Variants in AFF3 observed in about 807,000 individuals in gnomAD.
AFF3 encodes AF4/FMR2 family member 3.
A neutral mutation model predicts 129.7 loss-of-function variants in AFF3; 32 were observed. That is an observed-to-expected ratio of 0.25 (90% confidence interval 0.19 to 0.33). AFF3 has a LOEUF of 0.33. Among genes scored for constraint, AFF3 ranks in the 10% least tolerant of loss-of-function variants. The pLI is 1.00. For synonymous variants in AFF3, 644 were observed against 635.4 expected, an observed-to-expected ratio of 1.01 and a Z score of -0.20; for missense variants, 1,373 against 1,592.0, an observed-to-expected ratio of 0.86 and a Z score of 2.34.
At chr2:99,729,060 G>A (rs1468440389) in intron 10 of AFF3, among the ~76,000 whole-genome samples, 1 of 151,988 alleles carries the variant, frequency 6.6e-6, no homozygotes, top group Non-Finnish European at 1.5e-5. Flanking sequence ...TCAAATATAT[G>A]GATCCTTTCC....
At chr2:99,694,128 TC>T (rs1428090467) in intron 11 of AFF3, among the ~76,000 whole-genome samples, 1 of 151,796 alleles carries the variant, frequency 6.6e-6, no homozygotes, top group African/African-American at 2.4e-5. Flanking sequence ...GAACTCTTGC[TC>T]TCAGGTGATC....
At chr2:99,800,255 G>A (rs187888686) in intron 8 of AFF3, among the ~76,000 whole-genome samples, 3 of 152,196 alleles carry the variant, frequency 2.0e-5, no homozygotes, top group Admixed American at 1.3e-4. Flanking sequence ...AGTAAAAAAG[G>A]CCAAAGTTTT....
chr2:99,736,106 A>G (rs923862283), intron 10 of AFF3, among the ~76,000 whole-genome samples: 2 of 152,072 alleles, frequency 1.3e-5, no homozygotes, highest in African/African-American at 4.8e-5. Context: ...AATAATGCAT[A>G]TTCTGCAGCT....
chr2:99,733,378 C>CAA (rs60106625), intron 10 of AFF3, among the ~76,000 whole-genome samples: 185 of 134,392 alleles, frequency 1.4e-3, no homozygotes, highest in South Asian at 2.8e-3. Context: ...AGACTCCGTC[C>CAA]AAAAAAAAAA....
chr2:100,059,455 C>T (rs571751312), intron 4 of AFF3, among the ~76,000 whole-genome samples: 141 of 152,160 alleles, frequency 9.3e-4, no homozygotes, highest in Non-Finnish European at 1.5e-3. Flanking sequence ...ATTAAAAAGT[C>T]TTAGTGAGGC....
intron 18 of AFF3, among the ~76,000 whole-genome samples, chr2:99,571,393 A>C (rs1676465432): frequency 6.6e-6 from 1 of 152,086 alleles, no homozygotes. Context: ...CTTAGTTTCC[A>C]CCAGCCTTCT....
At chr2:99,724,445 G>A (rs1384470444) in intron 11 of AFF3, among the ~76,000 whole-genome samples, 1 of 151,444 alleles carries the variant, frequency 6.6e-6, no homozygotes, top group Admixed American at 6.6e-5. Context: ...GCTAATTTTT[G>A]TGTTTTTAGT....
chr2:100,043,997 C>T (rs923897644), intron 4 of AFF3, among the ~76,000 whole-genome samples: 2 of 152,188 alleles, frequency 1.3e-5, no homozygotes, highest in African/African-American at 4.8e-5. Flanking sequence ...GTGTTCTGGG[C>T]TTTTGTAATT....
intron 7 of AFF3, among the ~76,000 whole-genome samples, chr2:99,995,555 G>A (rs1680764941): frequency 6.6e-6 from 1 of 152,050 alleles, no homozygotes; most frequent in Admixed American, 6.6e-5. Flanking sequence ...TGTACTTTTA[G>A]TAGAGATGGG....
intron 18 of AFF3, among the ~76,000 whole-genome samples, chr2:99,576,674 C>T (rs949565770): frequency 6.6e-6 from 1 of 152,170 alleles, no homozygotes; most frequent in African/African-American, 2.4e-5. Flanking sequence ...ATACCATGCT[C>T]TCAAAACCAC....
At chr2:100,094,939 G>A (rs1166832220) in intron 4 of AFF3, among the ~76,000 whole-genome samples, 1 of 130,634 alleles carries the variant, frequency 7.7e-6, no homozygotes, top group East Asian at 2.0e-4. Flanking sequence ...TGGGCCATGT[G>A]GGCAACCTAT....
intron 16 of AFF3, among the ~76,000 whole-genome samples, chr2:99,583,219 T>A (rs748330289): frequency 4.6e-5 from 7 of 152,180 alleles, no homozygotes; most frequent in Non-Finnish European, 8.8e-5. Context: ...TGAGTAGTAA[T>A]TCTGGAGCCA....
chr2:99,844,531 G>A (rs1020079792), intron 7 of AFF3, among the ~76,000 whole-genome samples: 6 of 130,322 alleles, frequency 4.6e-5, no homozygotes, highest in African/African-American at 8.7e-5. Context: ...TCTGCCTCCC[G>A]GGTTCAAGTG....
intron 8 of AFF3, among the ~76,000 whole-genome samples, chr2:99,823,107 G>C (rs1687812606): frequency 6.6e-6 from 1 of 152,146 alleles, no homozygotes; most frequent in Non-Finnish European, 1.5e-5. Flanking sequence ...TGAAAGCCCA[G>C]GCTTTGACTC....
chr2:99,615,271 G>T (rs576710384), intron 13 of AFF3, among the ~76,000 whole-genome samples: 4 of 152,210 alleles, frequency 2.6e-5, no homozygotes, highest in African/African-American at 2.4e-5. Context: ...GCTGTAAAAG[G>T]CTTCTCTGAA....
intron 4 of AFF3, among the ~76,000 whole-genome samples, chr2:100,026,186 CAAACA>C (rs1684025726): frequency 6.6e-6 from 1 of 152,002 alleles, no homozygotes; most frequent in Non-Finnish European, 1.5e-5. Flanking sequence ...CTACAACAAA[CAAACA>C]AATCAGTGAG....
chr2:99,690,335 C>T (rs1327861367), intron 11 of AFF3, among the ~76,000 whole-genome samples: 7 of 151,270 alleles, frequency 4.6e-5, no homozygotes, highest in East Asian at 2.0e-4. Flanking sequence ...CACCCGCCAC[C>T]ACGCCCGGCT....
intron 11 of AFF3, among the ~76,000 whole-genome samples, chr2:99,719,050 C>CTT (rs554515502): frequency 0.07 from 7,514 of 108,018 alleles, 457 homozygotes; most frequent in East Asian, 0.094. Context: ...CGCGCCCGGC[C>CTT]TTTTTTTTTT....
intron 7 of AFF3, among the ~76,000 whole-genome samples, chr2:99,887,774 T>C (rs1235149395): frequency 6.6e-6 from 1 of 152,256 alleles, no homozygotes; most frequent in Admixed American, 6.5e-5. Flanking sequence ...ACTCTTTCCA[T>C]ACATTGTCTA....
Sources: gnomAD v4.1 joint callset for allele counts (sites outside exome capture counted in the v4.1 genomes callset) on GRCh38, gnomAD v4.1.1 for gene constraint, MANE v1.5 for transcripts, NCBI Gene and HGNC (gene_info 2026-07-23, HGNC 2026-07-21) for gene names.